CPQ: variants seen among roughly 807,000 people sequenced by gnomAD.
The protein encoded by CPQ is carboxypeptidase Q, also known as Ser-Met dipeptidase.
A neutral mutation model predicts 45.7 loss-of-function variants in CPQ; 37 were observed. The observed-to-expected ratio is 0.81, with a 90% confidence interval of 0.62 to 1.07. The LOEUF is 1.07. CPQ is among the 50% of genes least tolerant of loss of function. The pLI is 0.00. For missense variants in CPQ, 537 were observed against 572.9 expected (o/e 0.94, Z 0.64); for synonymous variants, 186 against 205.8 (o/e 0.90, Z 0.82).
chr8:96,973,401 G>A (rs549003514), intron 5 of CPQ, among the ~76,000 whole-genome samples: 125 of 152,186 alleles, frequency 8.2e-4, no homozygotes, highest in African/African-American at 2.9e-3. Context: ...AATAATCGGC[G>A]TTCTCAAGGA....
At chr8:97,062,143 CACTT>C (rs34184860) in intron 6 of CPQ, among the ~76,000 whole-genome samples, 10,917 of 152,176 alleles carry the variant, frequency 0.072, 700 homozygotes, top group African/African-American at 0.17. Flanking sequence ...GACCAGGAAA[CACTT>C]AATGAACACA....
At chr8:96,963,428 G>T (rs1452406270) in intron 4 of CPQ, among the ~76,000 whole-genome samples, 2 of 152,128 alleles carry the variant, frequency 1.3e-5, no homozygotes, top group African/African-American at 4.8e-5. Flanking sequence ...TTGTTAGTTT[G>T]GGGGATTGTG....
intron 7 of CPQ, among the ~76,000 whole-genome samples, chr8:97,096,481 G>A (rs1258876965): frequency 6.6e-6 from 1 of 152,086 alleles, no homozygotes; most frequent in African/African-American, 2.4e-5. Flanking sequence ...TAAATAACTA[G>A]GCAAAATATT....
At chr8:97,114,162 A>G (rs1397887654) in intron 7 of CPQ, among the ~76,000 whole-genome samples, 1 of 152,234 alleles carries the variant, frequency 6.6e-6, no homozygotes, top group Non-Finnish European at 1.5e-5. Flanking sequence ...TTTGTCTGTC[A>G]AATTGTCTGC....
chr8:97,140,392 A>G (rs576301563), intron 7 of CPQ, among the ~76,000 whole-genome samples: 1 of 152,142 alleles, frequency 6.6e-6, no homozygotes, highest in East Asian at 1.9e-4. Context: ...AAACCATGTT[A>G]TGCATCAGAT....
At chr8:96,854,854 G>A (rs80220125) in intron 3 of CPQ, among the ~76,000 whole-genome samples, 6,026 of 152,206 alleles carry the variant, frequency 0.04, 195 homozygotes, top group African/African-American at 0.082. Context: ...AAGAGTTGAC[G>A]TTTTACTTCA....
chr8:96,920,372 T>A (rs73698815), intron 4 of CPQ, among the ~76,000 whole-genome samples: 4,051 of 152,276 alleles, frequency 0.027, 170 homozygotes, highest in African/African-American at 0.093. Flanking sequence ...TAGCTGTTAA[T>A]GTTGCGAGGC....
intron 1 of CPQ, among the ~76,000 whole-genome samples, chr8:96,686,994 T>A (rs995779531): frequency 6.6e-6 from 1 of 152,166 alleles, no homozygotes; most frequent in Non-Finnish European, 1.5e-5. Flanking sequence ...TTTTTTTGTT[T>A]CTGGGATCTT....
chr8:96,877,996 TC>T (rs1812170896), intron 3 of CPQ, among the ~76,000 whole-genome samples: 1 of 152,072 alleles, frequency 6.6e-6, no homozygotes, highest in African/African-American at 2.4e-5. Flanking sequence ...GGAGTCTCGC[TC>T]TGTCGCCCAG....
chr8:96,844,708 G>T (rs748016769), intron 3 of CPQ, among the ~76,000 whole-genome samples: 1 of 152,184 alleles, frequency 6.6e-6, no homozygotes, highest in Non-Finnish European at 1.5e-5. Context: ...ATGGGACTAA[G>T]CTAGGTAGGT....
At chr8:96,774,365 G>T (rs1482435826) in intron 1 of CPQ, among the ~76,000 whole-genome samples, 2 of 152,110 alleles carry the variant, frequency 1.3e-5, no homozygotes, top group Admixed American at 1.3e-4. Context: ...AGTAAATAGT[G>T]GGGAAACAGA....
chr8:96,921,122 A>G (rs955135332), intron 4 of CPQ, among the ~76,000 whole-genome samples: 3 of 152,212 alleles, frequency 2.0e-5, no homozygotes, highest in Non-Finnish European at 2.9e-5. Context: ...CTGAGAGTCT[A>G]CACAAACACA....
At chr8:96,708,592 T>A (rs1809565423) in intron 1 of CPQ, among the ~76,000 whole-genome samples, 1 of 152,124 alleles carries the variant, frequency 6.6e-6, no homozygotes. Context: ...TCCCTTGTAG[T>A]TTTATTCTCT....
chr8:97,005,627 G>A (rs953488234), intron 5 of CPQ, among the ~76,000 whole-genome samples: 5 of 152,222 alleles, frequency 3.3e-5, no homozygotes, highest in South Asian at 2.1e-4. Flanking sequence ...ATTTAAGAGC[G>A]TGAAAGGTGG....
At chr8:96,889,097 C>A (rs1812340958) in intron 4 of CPQ, among the ~76,000 whole-genome samples, 1 of 152,204 alleles carries the variant, frequency 6.6e-6, no homozygotes. Context: ...TTAGGAGGGA[C>A]AGCCCACGGT....
intron 7 of CPQ, among the ~76,000 whole-genome samples, chr8:97,069,832 C>T (rs2130535048): frequency 6.6e-6 from 1 of 152,162 alleles, no homozygotes; most frequent in African/African-American, 2.4e-5. Context: ...TGTATGATGA[C>T]TAGACCCCAA....
At chr8:97,108,310 G>A (rs1360079963) in intron 7 of CPQ, among the ~76,000 whole-genome samples, 1 of 152,164 alleles carries the variant, frequency 6.6e-6, no homozygotes, top group Non-Finnish European at 1.5e-5. Flanking sequence ...ATTTTCTCCT[G>A]ACTTATGATA....
At chr8:96,940,720 C>T (rs1813113906) in intron 4 of CPQ, among the ~76,000 whole-genome samples, 1 of 152,138 alleles carries the variant, frequency 6.6e-6, no homozygotes, top group Non-Finnish European at 1.5e-5. Flanking sequence ...AAAATGTTTT[C>T]AGCTTTTTAC....
chr8:96,884,490 T>A (rs555268554), intron 4 of CPQ, among the ~76,000 whole-genome samples: 8 of 152,192 alleles, frequency 5.3e-5, no homozygotes, highest in African/African-American at 1.7e-4. Flanking sequence ...AGATAAATGC[T>A]GAGGTGAGTA....
Sources: allele counts gnomAD v4.1 joint callset (sites outside exome capture counted in the v4.1 genomes callset), GRCh38; gene constraint gnomAD v4.1.1; transcripts MANE v1.5; gene names NCBI Gene and HGNC (gene_info 2026-07-23, HGNC 2026-07-21).